Variants in COL21A1 observed in about 807,000 individuals in gnomAD.
COL21A1 encodes collagen type XXI alpha 1 chain.
A neutral mutation model predicts 137.9 loss-of-function variants in COL21A1; 149 were observed. That is an observed-to-expected ratio of 1.08 (90% CI 0.95 to 1.24). The LOEUF is 1.24. COL21A1 is among the 50% of genes most tolerant of loss of function. The probability of loss-of-function intolerance (pLI) is 0.00; values close to 1 mark genes in which losing one functional copy is unlikely to be tolerated. For synonymous variants in COL21A1, 456 were observed against 391.5 expected (o/e 1.16, Z -1.95); for missense variants, 1,167 against 1,158.4 (o/e 1.01, Z -0.11).
intron 1 of COL21A1, among the ~76,000 whole-genome samples, chr6:56,265,379 G>T (rs946196465): frequency 1.3e-5 from 2 of 152,182 alleles, no homozygotes; most frequent in Non-Finnish European, 2.9e-5. Context: ...TCTGGTCAGT[G>T]TTAGTCCAAA....
Position 56,060,153 on chromosome 6 carries a change from C to CATG in COL21A1, c.2470_2472dup (p.His824dup), listed in dbSNP as rs1308194515. 1 of 1,611,102 alleles carries CATG rather than the reference C, an allele frequency of 6.2e-7. No individual in the cohort carries two copies. Among genetic ancestry groups the CATG allele is most frequent in the Non-Finnish European group, 8.5e-7 (1 of 1,179,138 alleles). ...GGTGGCCCAGGAATACCCGGGGAGC[C>CATG]ATGTTGGGACAGGCAATGATCACAA... On this transcript the variant is annotated inframe_insertion, in exon 28 of 30. Transcript: ENST00000244728.
At chr6:56,156,038 T>C (rs1775719898) in intron 10 of COL21A1, among the ~76,000 whole-genome samples, 1 of 152,276 alleles carries the variant, frequency 6.6e-6, no homozygotes, top group South Asian at 2.1e-4. Context: ...GAGGATATTG[T>C]ATTTTTTAGT....
Position 56,074,239 on chromosome 6 carries a change from C to A in COL21A1, c.1958G>T (p.Gly653Val), listed in dbSNP as rs1344160319. 1.3e-6 allele frequency: 2 copies of A among 1,582,652 alleles called. No individual in the cohort carries two copies. Among genetic ancestry groups the A allele is most frequent in the Admixed American group, 3.6e-5 (2 of 55,630 alleles). The change falls in exon 20 of 30, where the codon GGA becomes GTA. Residue 653 changes from glycine (G) to valine (V), a missense_variant. By Grantham distance (109) the Gly-to-Val change is moderately radical (BLOSUM62 -3). Transcript: ENST00000244728. ...NGSPGQPGTP[G>V]SKGSKGEPGI... is the part of the protein sequence containing the mutation. ...TTATTTTATCATATTTACCTTAGAT[C>A]CCGGTGTTCCAGGCTGGCCTGGTGA...
intron 1 of COL21A1, among the ~76,000 whole-genome samples, chr6:56,189,289 T>TG (rs776416805): frequency 6.2e-4 from 94 of 151,696 alleles, no homozygotes; most frequent in Non-Finnish European, 1.2e-3. Flanking sequence ...CTGATGGAGC[T>TG]GAAAAACACA....
At chr6:56,139,506 C>G (rs1774258627) in intron 12 of COL21A1, among the ~76,000 whole-genome samples, 1 of 152,094 alleles carries the variant, frequency 6.6e-6, no homozygotes, top group Admixed American at 6.6e-5. Flanking sequence ...CACATACACA[C>G]ACACACACAC....
chr6:56,141,863 T>C, intron 11 of COL21A1, 25 bp from the exon 12 acceptor site: 1 of 1,611,982 alleles, frequency 6.2e-7, no homozygotes, highest in Non-Finnish European at 8.5e-7. Context: ...AAATAAAATT[T>C]TGTTAATTAT....
In COL21A1 at chr6:56,074,216, ATT is replaced by A; in HGVS notation, c.1965+14_1965+15del. On this transcript the variant is annotated intron_variant, in intron 20 of 29. Transcript: ENST00000244728. The stretch of plus-strand genomic sequence containing the variant: ...TTATACAAAGTTCCCAGTCTTGTTT[ATT>A]TTATCATATTTACCTTAGATCCCGG... 1.3e-6 allele frequency: 2 copies of A among 1,562,144 alleles called. No individual in the cohort carries two copies. The highest frequency in any genetic ancestry group is 1.7e-6 in the Non-Finnish European group (2 of 1,154,086).
At chr6:56,098,815 A>G (rs1770138351) in intron 17 of COL21A1, among the ~76,000 whole-genome samples, 1 of 145,004 alleles carries the variant, frequency 6.9e-6, no homozygotes, top group Non-Finnish European at 1.5e-5. Context: ...TCCCAGGTTC[A>G]AGCGATTCTC....
chr6:56,324,900 C>T lies in COL21A1; in HGVS notation c.-39+69071G>A, dbSNP rs1304830088. 5.9e-5 allele frequency among the ~76,000 whole-genome samples: 9 copies of T among 152,002 alleles called. No individual in the cohort carries two copies. The South Asian group carries it at 1.2e-3, about 21-fold the overall frequency. On this transcript the variant is annotated intron_variant, in intron 1 of 28. Coordinates refer to the COL21A1 transcript ENST00000370819. ...TTTCTTATCTTGCCCCAAAGCAGATCAAGAGACCCTCATATGAAAGATGCC... is the reference window on the plus strand; with the variant it reads ...TTTCTTATCTTGCCCCAAAGCAGATTAAGAGACCCTCATATGAAAGATGCC...
At chr6:56,284,080 C>T (rs1257105914) in intron 1 of COL21A1, among the ~76,000 whole-genome samples, 2 of 152,124 alleles carry the variant, frequency 1.3e-5, no homozygotes, top group East Asian at 1.9e-4. Flanking sequence ...CAGGTTCTGG[C>T]TCTGTCACCC....
chr6:56,259,363 C>G (rs920415914), intron 1 of COL21A1, among the ~76,000 whole-genome samples: 9 of 152,230 alleles, frequency 5.9e-5, no homozygotes, highest in African/African-American at 2.2e-4. Flanking sequence ...ATCCATCTCT[C>G]TGACTCCGCA....
chr6:56,183,805 G>C (rs1706997010), intron 1 of COL21A1, among the ~76,000 whole-genome samples: 1 of 152,126 alleles, frequency 6.6e-6, no homozygotes, highest in African/African-American at 2.4e-5. Context: ...TAGTGAATAA[G>C]ATGGAAAACA....
intron 1 of COL21A1, among the ~76,000 whole-genome samples, chr6:56,211,093 A>G (rs938931182): frequency 2.7e-5 from 4 of 149,406 alleles, no homozygotes; most frequent in Non-Finnish European, 5.9e-5. Flanking sequence ...CTATATATAT[A>G]CTTTTATTTA....
At chr6:56,097,708 A>G (rs1769479317) in intron 17 of COL21A1, among the ~76,000 whole-genome samples, 1 of 142,872 alleles carries the variant, frequency 7.0e-6, no homozygotes, top group African/African-American at 2.6e-5. Flanking sequence ...ACAAGCAGCC[A>G]TGGGAAAGGA....
At chr6:56,119,323 C>T (rs1772243133) in intron 16 of COL21A1, among the ~76,000 whole-genome samples, 1 of 151,822 alleles carries the variant, frequency 6.6e-6, no homozygotes, top group African/African-American at 2.4e-5. Context: ...ATCCCATTTA[C>T]AATAGTCACA....
At chr6:56,356,328 T>C (rs529184824) in intron 1 of COL21A1, among the ~76,000 whole-genome samples, 1 of 152,252 alleles carries the variant, frequency 6.6e-6, no homozygotes, top group South Asian at 2.1e-4. Context: ...TCATTCCTGG[T>C]TGGGGGCGGG....
At chr6:56,240,344 C>T (rs1297125185) in intron 1 of COL21A1, among the ~76,000 whole-genome samples, 1 of 152,146 alleles carries the variant, frequency 6.6e-6, no homozygotes, top group Non-Finnish European at 1.5e-5. Context: ...CATGAGGCGC[C>T]ACCCTGGAAG....
chr6:56,187,477 T>C lies in COL21A1; in HGVS notation c.-38-4821A>G, dbSNP rs765134824. On this transcript the variant is annotated intron_variant, in intron 1 of 29. Coordinates refer to ENST00000244728, the MANE Select transcript of COL21A1 (RefSeq NM_030820.4). ...GAAATCAAGAAAGCATGGTACTATA[T>C]TGACATAAAGATAGGCATAGAACAG... Among the ~76,000 whole-genome samples, 122 of 152,168 alleles carry C rather than the reference T, an allele frequency of 8.0e-4. 2 individuals are homozygous for C. The highest frequency in any genetic ancestry group is 2.2e-4 in the Non-Finnish European group (15 of 68,034).
At chr6:56,253,153 C>G (rs939165986) in intron 1 of COL21A1, among the ~76,000 whole-genome samples, 1 of 152,200 alleles carries the variant, frequency 6.6e-6, no homozygotes, top group South Asian at 2.1e-4. Context: ...GAATTCATAG[C>G]CCTACCCTGA....
Sources: gnomAD v4.1 joint callset for allele counts (sites outside exome capture counted in the v4.1 genomes callset) on GRCh38, gnomAD v4.1.1 for gene constraint, MANE v1.5 for transcripts, NCBI Gene and HGNC (gene_info 2026-07-23, HGNC 2026-07-21) for gene names.